The following BLTP1 variants were observed in gnomAD, a reference collection of about 807,000 sequenced individuals.
The protein encoded by BLTP1 is fragile site-associated protein.
At chr4:122,288,358 AC>A in the BLTP1 span, among the ~76,000 whole-genome samples, 5 of 152,174 alleles carry the variant, frequency 3.3e-5, no homozygotes, top group African/African-American at 1.2e-4. Flanking sequence ...CATAGAGTAG[AC>A]AGTCATTAAA....
the BLTP1 span, chr4:122,188,884 C>G: frequency 2.2e-6 from 2 of 907,724 alleles, no homozygotes; most frequent in South Asian, 5.1e-5. Flanking sequence ...TTAGTTGTAA[C>G]TCTTGGCTGG....
the BLTP1 span, among the ~76,000 whole-genome samples, chr4:122,218,241 A>G: frequency 7.2e-5 from 11 of 152,080 alleles, no homozygotes; most frequent in South Asian, 8.3e-4. Flanking sequence ...TAAAAATTCA[A>G]TGTTGGAATT....
the BLTP1 span, chr4:122,281,857 T>C: frequency 7.2e-7 from 1 of 1,382,004 alleles, no homozygotes; most frequent in Non-Finnish European, 9.5e-7. Flanking sequence ...AAGGTAAATT[T>C]GGTTTTATAG....
chr4:122,303,236 A>G, the BLTP1 span, among the ~76,000 whole-genome samples: 1 of 152,172 alleles, frequency 6.6e-6, no homozygotes. Flanking sequence ...ATGCTCTATC[A>G]GTGGAACAAC....
the BLTP1 span, chr4:122,289,862 TGA>T: frequency 1.1e-6 from 1 of 870,320 alleles, no homozygotes; most frequent in Non-Finnish European, 1.4e-6. Flanking sequence ...CTTACAATTT[TGA>T]TGAGTTCTGC....
At chr4:122,317,355 C>A in the BLTP1 span, among the ~76,000 whole-genome samples, 14 of 151,130 alleles carry the variant, frequency 9.3e-5, no homozygotes, top group South Asian at 6.3e-4. Context: ...GGCATGAAAT[C>A]CTAGTGTCCT....
the BLTP1 span, among the ~76,000 whole-genome samples, chr4:122,165,546 T>G: frequency 8.5e-5 from 11 of 129,046 alleles, 2 homozygotes; most frequent in Middle Eastern, 0.025. Flanking sequence ...TGTGCATGCG[T>G]CTTTATAGCA....
chr4:122,295,114 A>T, the BLTP1 span, among the ~76,000 whole-genome samples: 3 of 152,216 alleles, frequency 2.0e-5, no homozygotes, highest in South Asian at 4.1e-4. Flanking sequence ...GAGATTATTT[A>T]AAAAGACCAA....
At chr4:122,304,767 A>AT in the BLTP1 span, 2 of 1,605,096 alleles carry the variant, frequency 1.2e-6, no homozygotes, top group Admixed American at 1.7e-5. Context: ...TTTAAGATTC[A>AT]TTTTTTTCCT....
At chr4:122,280,086 G>A in the BLTP1 span, 4 of 1,571,964 alleles carry the variant, frequency 2.5e-6, no homozygotes, top group South Asian at 3.6e-5. Context: ...TTACTTCTAA[G>A]TATCGACCAT....
At chr4:122,168,658 A>G in the BLTP1 span, among the ~76,000 whole-genome samples, 1 of 152,106 alleles carries the variant, frequency 6.6e-6, no homozygotes, top group African/African-American at 2.4e-5. Flanking sequence ...TAAGGTGCTG[A>G]CAGGGATTTT....
the BLTP1 span, among the ~76,000 whole-genome samples, chr4:122,342,657 T>C: frequency 6.6e-6 from 1 of 152,118 alleles, no homozygotes. Flanking sequence ...CCCAGCCTGG[T>C]TGAGCTGTTT....
At chr4:122,208,150 A>C in the BLTP1 span, 1 of 960,260 alleles carries the variant, frequency 1.0e-6, no homozygotes, top group Non-Finnish European at 1.2e-6. Context: ...ATATAGAAAC[A>C]GCTAACATCT....
chr4:122,153,609 C>T, the BLTP1 span, among the ~76,000 whole-genome samples: 3 of 152,154 alleles, frequency 2.0e-5, no homozygotes, highest in Admixed American at 1.3e-4. Context: ...AACTCCCAAG[C>T]ACCCTGTGAT....
chr4:122,189,197 A>G, the BLTP1 span: 1 of 801,896 alleles, frequency 1.2e-6, no homozygotes, highest in South Asian at 5.7e-5. Flanking sequence ...ACATGATGAT[A>G]TTAAACATTA....
the BLTP1 span, among the ~76,000 whole-genome samples, chr4:122,159,378 G>A: frequency 2.3e-4 from 35 of 151,748 alleles, no homozygotes; most frequent in East Asian, 2.5e-3. Context: ...CAGGAGAATC[G>A]CTTGGACCCG....
chr4:122,261,407 T>C, the BLTP1 span: 1 of 985,202 alleles, frequency 1.0e-6, no homozygotes. Flanking sequence ...TTCCAAATGC[T>C]TAGTTTCCGA....
the BLTP1 span, chr4:122,355,960 G>C: frequency 6.2e-7 from 1 of 1,611,038 alleles, no homozygotes; most frequent in Non-Finnish European, 8.5e-7. Context: ...ATCCATTCAT[G>C]TTCAAGAACC....
chr4:122,310,641 C>G, the BLTP1 span, among the ~76,000 whole-genome samples: 1 of 152,124 alleles, frequency 6.6e-6, no homozygotes, highest in Non-Finnish European at 1.5e-5. Flanking sequence ...TGCTCCTTTC[C>G]TCTGGGTATA....
Sources: allele counts gnomAD v4.1 joint callset (sites outside exome capture counted in the v4.1 genomes callset), GRCh38; gene constraint gnomAD v4.1.1; transcripts MANE v1.5; gene names NCBI Gene and HGNC (gene_info 2026-07-23, HGNC 2026-07-21).